LINGO2: variants seen among roughly 807,000 people sequenced by gnomAD.
LINGO2 encodes the protein leucine rich repeat and Ig domain containing 2.
LINGO2 carries 14 observed loss-of-function variants against 30.6 expected under a neutral mutation model. The ratio of observed to expected loss-of-function variants is 0.46; its 90% CI spans 0.30 to 0.72. The LOEUF is 0.72. Among genes scored for constraint, LINGO2 ranks in the 30% least tolerant of loss-of-function variants. LINGO2 has a pLI of 0.07. For missense variants in LINGO2, 729 were observed against 751.7 expected (o/e 0.97, Z 0.35); for synonymous variants, 317 against 288.5 (o/e 1.10, Z -1.00).
Position 28,395,757 on chromosome 9 carries a change from GT to G in LINGO2, c.-278-22890del, listed in dbSNP as rs369671103. 1.1e-3 allele frequency among the ~76,000 whole-genome samples: 174 copies of G among 152,320 alleles called. No homozygotes were observed. The Middle Eastern group carries it at 0.02, about 18-fold the overall frequency. On this transcript the variant is annotated intron_variant, in intron 2 of 5. Coordinates refer to ENST00000379992, the Ensembl canonical transcript of LINGO2. ...AAATAAAACCATAGCATTCTGATAA[GT>G]TTTTATAATTACAGTTGGTTCTTTC...
chr9:28,920,725 TAC>T, the LINGO2 span, among the ~76,000 whole-genome samples: 110,308 of 150,866 alleles, frequency 0.73, 40,419 homozygotes, highest in Non-Finnish European at 0.77. Context: ...TATATCCAGA[TAC>T]ACACACACAC....
At chr9:28,649,805 C>T (rs1056796208) in intron 1 of LINGO2, among the ~76,000 whole-genome samples, 1 of 151,980 alleles carries the variant, frequency 6.6e-6, no homozygotes, top group African/African-American at 2.4e-5. Context: ...AGGGGTTGTA[C>T]TGCAGAATGT....
At chr9:29,151,083 C>T in the LINGO2 span, among the ~76,000 whole-genome samples, 1 of 151,712 alleles carries the variant, frequency 6.6e-6, no homozygotes, top group Admixed American at 6.6e-5. Flanking sequence ...ACCTCATAAG[C>T]CAGAGGAGAT....
chr9:29,112,649 A>G, the LINGO2 span, among the ~76,000 whole-genome samples: 1 of 152,226 alleles, frequency 6.6e-6, no homozygotes, highest in Non-Finnish European at 1.5e-5. Flanking sequence ...TCCAAGTGCC[A>G]ACTGTCAAAA....
In LINGO2 at chr9:28,199,483, C is replaced by T. The variant is rs1165379343; in HGVS notation, c.-87+95725G>A. Reference sequence around the variant, plus strand: ...CCTCCCGAGTAGCTGGGACTACAGGCGCCCGCCACCACGCTCGGCTAATTT... The same window carrying T: ...CCTCCCGAGTAGCTGGGACTACAGGTGCCCGCCACCACGCTCGGCTAATTT... On this transcript the variant is annotated intron_variant, in intron 4 of 5. Coordinates refer to ENST00000379992, the Ensembl canonical transcript of LINGO2. Among the ~76,000 whole-genome samples the T allele has an allele frequency of 5.9e-5, 9 of 152,010 alleles. No homozygotes were observed. The South Asian group carries it at 1.0e-3, about 18-fold the overall frequency.
intron 5 of LINGO2, among the ~76,000 whole-genome samples, chr9:28,005,178 G>A (rs1822199856): frequency 6.6e-6 from 1 of 152,184 alleles, no homozygotes; most frequent in South Asian, 2.1e-4. Context: ...CCTGCACGAT[G>A]TGACTGGCTG....
At chr9:28,857,723 G>T in the LINGO2 span, among the ~76,000 whole-genome samples, 2 of 151,910 alleles carry the variant, frequency 1.3e-5, no homozygotes, top group African/African-American at 4.8e-5. Context: ...TATGCTGTAA[G>T]TGTAAAATAT....
intron 4 of LINGO2, among the ~76,000 whole-genome samples, chr9:28,045,249 T>TG (rs1824366771): frequency 6.6e-6 from 1 of 152,138 alleles, no homozygotes; most frequent in Non-Finnish European, 1.5e-5. Context: ...ACACTGAGCC[T>TG]GTAAAATACG....
chr9:29,144,713 T>A, the LINGO2 span, among the ~76,000 whole-genome samples: 1 of 152,140 alleles, frequency 6.6e-6, no homozygotes, highest in Non-Finnish European at 1.5e-5. Flanking sequence ...CAGCTGACTG[T>A]CTGAGCTTAT....
intron 1 of LINGO2, among the ~76,000 whole-genome samples, chr9:28,658,083 C>T (rs1055858972): frequency 6.6e-6 from 1 of 151,854 alleles, no homozygotes; most frequent in Non-Finnish European, 1.5e-5. Context: ...TTGATTTCTA[C>T]CTTCAATTCA....
chr9:29,017,793 T>C, the LINGO2 span, among the ~76,000 whole-genome samples: 107,917 of 151,754 alleles, frequency 0.71, 38,926 homozygotes, highest in Non-Finnish European at 0.76. Flanking sequence ...ATCCTGCAAA[T>C]GGGAGAATCA....
chr9:28,449,032 C>CGTAT (rs1824540406), intron 2 of LINGO2, among the ~76,000 whole-genome samples: 1 of 137,910 alleles, frequency 7.3e-6, no homozygotes. Flanking sequence ...TATTCACATT[C>CGTAT]GTGTGTGTGT....
At chr9:28,486,792 TA>T (rs933075151) in intron 1 of LINGO2, among the ~76,000 whole-genome samples, 1 of 152,048 alleles carries the variant, frequency 6.6e-6, no homozygotes, top group Admixed American at 6.6e-5. Context: ...AATGGAATTT[TA>T]AAAATAATAA....
chr9:28,095,989 A>T (rs1263593193), intron 4 of LINGO2, among the ~76,000 whole-genome samples: 2 of 152,136 alleles, frequency 1.3e-5, no homozygotes, highest in Non-Finnish European at 2.9e-5. Flanking sequence ...AAAGATTAAG[A>T]CATTATCCAG....
chr9:28,709,227 G>GA, the LINGO2 span, among the ~76,000 whole-genome samples: 1 of 150,970 alleles, frequency 6.6e-6, no homozygotes, highest in African/African-American at 2.4e-5. Flanking sequence ...AAAGTGTTTT[G>GA]TTTTGTTTTT....
chr9:29,038,747 A>G, the LINGO2 span, among the ~76,000 whole-genome samples: 1 of 151,670 alleles, frequency 6.6e-6, no homozygotes, highest in Non-Finnish European at 1.5e-5. Flanking sequence ...TTTTTCATGT[A>G]CATTCTAACA....
the LINGO2 span, among the ~76,000 whole-genome samples, chr9:28,909,117 T>C: frequency 6.6e-6 from 1 of 151,942 alleles, no homozygotes; most frequent in African/African-American, 2.4e-5. Context: ...TTTATGAATT[T>C]TATCATTTCA....
At chr9:29,155,400 ACTGT>A in the LINGO2 span, among the ~76,000 whole-genome samples, 1 of 152,140 alleles carries the variant, frequency 6.6e-6, no homozygotes, top group Admixed American at 6.5e-5. Flanking sequence ...TTAAAAAATT[ACTGT>A]CTTTCTCCTA....
intron 4 of LINGO2, among the ~76,000 whole-genome samples, chr9:28,106,454 G>A (rs891879021): frequency 1.3e-5 from 2 of 152,130 alleles, no homozygotes; most frequent in Non-Finnish European, 2.9e-5. Context: ...CCCACCCCTA[G>A]GGGATACCAT....
Sources: allele counts gnomAD v4.1 joint callset (sites outside exome capture counted in the v4.1 genomes callset), GRCh38; gene constraint gnomAD v4.1.1; transcripts MANE v1.5; gene names NCBI Gene and HGNC (gene_info 2026-07-23, HGNC 2026-07-21).